The following HIPK3 variants were observed in gnomAD, a reference collection of about 807,000 sequenced individuals.
HIPK3 encodes the protein homeodomain interacting protein kinase 3.
In HIPK3, 47 loss-of-function variants were observed where a neutral mutation model predicts 124.2. The ratio of observed to expected loss-of-function variants is 0.38; its 90% CI spans 0.30 to 0.48. The LOEUF is 0.48. Ranked by LOEUF, HIPK3 falls within the 20% of genes least tolerant of loss-of-function variation. HIPK3 has a pLI of 0.98. For synonymous variants in HIPK3, 482 were observed against 515.2 expected, an observed-to-expected ratio of 0.94 and a Z score of 0.87; for missense variants, 1,286 against 1,454.3, an observed-to-expected ratio of 0.88 and a Z score of 1.88.
intron 8 of HIPK3, among the ~76,000 whole-genome samples, chr11:33,342,574 A>T (rs1853367885): frequency 1.4e-5 from 2 of 139,376 alleles, no homozygotes; most frequent in African/African-American, 5.4e-5. Flanking sequence ...ACAGAGTTTC[A>T]CTCTTGTTGC....
At chr11:33,299,008 G>A (rs1851917312) in intron 2 of HIPK3, among the ~76,000 whole-genome samples, 2 of 151,764 alleles carry the variant, frequency 1.3e-5, no homozygotes, top group Non-Finnish European at 2.9e-5. Flanking sequence ...CACCATGCCT[G>A]GCTAATTTTT....
intron 1 of HIPK3, among the ~76,000 whole-genome samples, chr11:33,271,537 G>A (rs1443034822): frequency 6.6e-6 from 1 of 152,178 alleles, no homozygotes; most frequent in Non-Finnish European, 1.5e-5. Context: ...CTGCATTCCA[G>A]CCTGGGCAAC....
chr11:33,275,212 G>A (rs1467510783), intron 1 of HIPK3, among the ~76,000 whole-genome samples: 2 of 151,954 alleles, frequency 1.3e-5, no homozygotes, highest in Non-Finnish European at 2.9e-5. Context: ...GCTAATTTTT[G>A]TATTTTTAGT....
At chr11:33,309,375 A>G (rs962963796) in intron 2 of HIPK3, among the ~76,000 whole-genome samples, 2 of 152,322 alleles carry the variant, frequency 1.3e-5, no homozygotes, top group African/African-American at 4.8e-5. Flanking sequence ...TTGGTCTCCC[A>G]AAGTGTTGGG....
chr11:33,269,721 C>T (rs191311883), intron 1 of HIPK3, among the ~76,000 whole-genome samples: 9 of 151,570 alleles, frequency 5.9e-5, no homozygotes, highest in African/African-American at 1.9e-4. Flanking sequence ...CTGTCTATGC[C>T]ACTTTAATGA....
chr11:33,349,343 C>T (rs1009527558), intron 14 of HIPK3, 56 bp downstream of exon 14: 48 of 1,408,510 alleles, frequency 3.4e-5, no homozygotes, highest in African/African-American at 7.2e-5. Flanking sequence ...AAAAAGCCTA[C>T]GATTTCTTTC....
At chr11:33,311,761 A>G (rs1852343703) in intron 2 of HIPK3, among the ~76,000 whole-genome samples, 1 of 150,902 alleles carries the variant, frequency 6.6e-6, no homozygotes, top group Non-Finnish European at 1.5e-5. Context: ...TAATCCCAGC[A>G]CTTTGGGAGG....
chr11:33,345,632 G>T (rs200240964), intron 8 of HIPK3, among the ~76,000 whole-genome samples: 13 of 147,672 alleles, frequency 8.8e-5, no homozygotes, highest in African/African-American at 2.8e-4. Context: ...TTTTTTTCTT[G>T]AAGAGATTGT....
intron 4 of HIPK3, among the ~76,000 whole-genome samples, chr11:33,338,453 C>T (rs760791178): frequency 1.3e-4 from 20 of 151,560 alleles, no homozygotes; most frequent in Non-Finnish European, 2.4e-4. Flanking sequence ...AGGATGGTCT[C>T]GATCTCTTGA....
chr11:33,272,353 C>T (rs536387924), intron 1 of HIPK3, among the ~76,000 whole-genome samples: 12 of 151,562 alleles, frequency 7.9e-5, no homozygotes, highest in African/African-American at 1.5e-4. Flanking sequence ...GAGCCGAGAT[C>T]GCGCCACTAC....
chr11:33,328,041 T>A (rs1046391015), intron 2 of HIPK3, among the ~76,000 whole-genome samples: 2 of 152,216 alleles, frequency 1.3e-5, no homozygotes, highest in African/African-American at 4.8e-5. Context: ...AGGTAAATAT[T>A]TATTACTGTA....
At chr11:33,337,268 C>A in intron 4 of HIPK3, 74 bp downstream of exon 4, 1 of 760,534 alleles carries the variant, frequency 1.3e-6, no homozygotes, top group Non-Finnish European at 2.0e-6. Context: ...TAATACCTTC[C>A]ATGTCTATTT....
rs751426383 is a variant in HIPK3 at position 33,286,463 on chromosome 11, T to A, written c.49T>A (p.Ser17Thr). 16 of 1,611,474 alleles carry A rather than the reference T, an allele frequency of 9.9e-6. No individual in the cohort carries two copies. In the Admixed American group the frequency reaches 1.0e-4, roughly 10 times the overall value. ...VYPPYVYQTQ[S>T]SAFCSVKKLK... ...CCCACCATATGTTTATCAAACTCAG[T>A]CAAGTGCCTTTTGTAGTGTGAAGAA... The change falls in exon 2 of 17, where the codon TCA (serine) becomes ACA (threonine). Residue 17 changes from serine to threonine, a missense_variant. Ser to Thr is a moderately conservative substitution (Grantham distance 58). Around this residue, in one of 3 missense-constraint regions of HIPK3, gnomAD observed 225 missense variants for 240.3 expected, o/e 0.94. Coordinates refer to ENST00000303296, the MANE Select transcript of HIPK3 (RefSeq NM_005734.5).
intron 2 of HIPK3, among the ~76,000 whole-genome samples, chr11:33,327,565 A>T (rs1852847786): frequency 6.6e-6 from 1 of 152,206 alleles, no homozygotes; most frequent in African/African-American, 2.4e-5. Flanking sequence ...GATGTATCAG[A>T]GTTCATTTCT....
rs1465492668 is a variant in HIPK3 at position 33,348,728 on chromosome 11, T to C, written c.2576T>C (p.Ile859Thr). 9 of 1,614,078 alleles carry C rather than the reference T, an allele frequency of 5.6e-6. No individual in the cohort carries two copies. Among genetic ancestry groups the C allele is most frequent in the South Asian group, 1.1e-5 (1 of 91,090 alleles). ...VSDKQRQTII[I>T]ADSPSPAVSV... ...GACAAACAGCGGCAAACCATCATTA[T>C]TGCCGACTCCCCGAGTCCTGCAGTG... The change falls in exon 13 of 17, where the codon ATT becomes ACT. Residue 859 changes from isoleucine to threonine, a missense_variant. By Grantham distance (89) the Ile-to-Thr change is moderately conservative. Coordinates refer to ENST00000303296, the MANE Select transcript of HIPK3 (RefSeq NM_005734.5).
At chr11:33,320,248 A>C (rs1200764236) in intron 2 of HIPK3, among the ~76,000 whole-genome samples, 1 of 152,204 alleles carries the variant, frequency 6.6e-6, no homozygotes, top group East Asian at 1.9e-4. Context: ...ACATGGTCTA[A>C]TTTATGTATT....
Position 33,348,535 on chromosome 11 carries a change from C to T in HIPK3, c.2383C>T (p.Gln795Ter). ...CTTTGGTTGCAGGAGTAATTCATTA[C>T]AGAATACCAATATCCCACATTCAGC... ...INAFSWSNSLQNTNIPHSAFI... is the reference protein window; with the variant it reads ...INAFSWSNSL Residue 795 changes from glutamine to a stop codon, truncating the protein, a stop_gained, in exon 13 of 17, where the codon CAG (glutamine) becomes TAG (stop). Coordinates refer to ENST00000303296, the MANE Select transcript of HIPK3 (RefSeq NM_005734.5). LOFTEE classifies it high-confidence loss of function. 1 of 1,608,752 alleles carries T rather than the reference C, an allele frequency of 6.2e-7. No individual in the cohort carries two copies. The highest frequency in any genetic ancestry group is 8.5e-7 in the Non-Finnish European group (1 of 1,175,546).
At chr11:33,296,390 T>G (rs1369097772) in intron 2 of HIPK3, among the ~76,000 whole-genome samples, 2 of 152,168 alleles carry the variant, frequency 1.3e-5, no homozygotes, top group Non-Finnish European at 2.9e-5. Flanking sequence ...ACAGGTCAGG[T>G]ATGCTCAGTG....
rs1853318593 is a variant in HIPK3 at position 33,341,081 on chromosome 11, C to T, written c.1727C>T (p.Ala576Val). ...LLRPVASSST[A>V]TLTANFTKIG... ...AGACCAGTTGCTTCAAGCAGTACTG[C>T]TACACTGACTGCAAATTTTACTAAA... The change falls in exon 7 of 17, where the codon GCT (alanine) becomes GTT (valine). Residue 576 changes from alanine (A) to valine (V), a missense_variant. Coordinates refer to ENST00000303296, the MANE Select transcript of HIPK3 (RefSeq NM_005734.5). 1 of 1,602,088 alleles carries T rather than the reference C, an allele frequency of 6.2e-7. No individual in the cohort carries two copies. Among genetic ancestry groups the T allele is most frequent in the African/African-American group, 1.3e-5 (1 of 74,480 alleles).
Sources: gnomAD v4.1 joint callset for allele counts (sites outside exome capture counted in the v4.1 genomes callset) on GRCh38, gnomAD v4.1.1 for gene constraint, gnomAD v4.1.1 regional missense constraint, MANE v1.5 for transcripts, NCBI Gene and HGNC (gene_info 2026-07-23, HGNC 2026-07-21) for gene names.